The following USP16 variants were observed in gnomAD, a reference collection of about 807,000 sequenced individuals.
USP16 encodes ubiquitin specific peptidase 16.
USP16 carries 77 observed loss-of-function variants against 95.9 expected under a neutral mutation model. The observed-to-expected ratio is 0.80, with a 90% CI of 0.67 to 0.97. The LOEUF is 0.97. Among genes scored for constraint, USP16 ranks in the 50% least tolerant of loss-of-function variants. The pLI is 0.00. For missense variants in USP16, 943 were observed against 959.9 expected (o/e 0.98, Z 0.23); for synonymous variants, 303 against 318.2 (o/e 0.95, Z 0.51).
chr21:29,027,788 C>A, intron 1 of USP16, 85 bp from the exon 2 acceptor site: 1 of 862,774 alleles, frequency 1.2e-6, no homozygotes, highest in Non-Finnish European at 1.9e-6. Flanking sequence ...GCATAATATA[C>A]GTGGCTTAGT....
intron 3 of USP16, among the ~76,000 whole-genome samples, chr21:29,033,367 G>A (rs1568885021): frequency 6.6e-6 from 1 of 152,156 alleles, no homozygotes; most frequent in Non-Finnish European, 1.5e-5. Context: ...TAAATTAAGC[G>A]AATAGTGTTT....
chr21:29,048,048 C>CGTGTGTGTGTGTGTGT (rs67919060), intron 14 of USP16, among the ~76,000 whole-genome samples: 63 of 123,794 alleles, frequency 5.1e-4, no homozygotes, highest in African/African-American at 1.8e-3. Context: ...AGAGACGATA[C>CGTGTGTGTGTGTGTGT]GTGTGTGTGT....
Position 29,042,613 on chromosome 21 carries a change from T to A in USP16, c.1179+85T>A. The A allele has an allele frequency of 3.2e-6, 4 of 1,241,550 alleles. No homozygotes were observed. The South Asian group carries it at 5.4e-5, about 17-fold the overall frequency. 76.9% of individuals were successfully genotyped at this position (1,241,550 alleles called of 1,614,324 possible). ...GGGAAGCCTTGTTACTCTTTTTAAG[T>A]TTGTATATTACTAGCCCATGCAGAA... is the stretch of plus-strand genomic sequence containing the variant. On this transcript the variant is annotated intron_variant, in intron 12 of 17. Coordinates refer to ENST00000399976, the MANE Select transcript of USP16 (RefSeq NM_006447.3).
intron 12 of USP16, 145 bp from the exon 13 acceptor site, chr21:29,043,277 AT>A (rs2085271369): frequency 3.6e-6 from 2 of 557,432 alleles, no homozygotes; most frequent in East Asian, 7.0e-5. Context: ...AGATAAACGA[AT>A]TTTGTCTCAT....
chr21:29,041,937 A>C (rs1404935122), intron 10 of USP16, 76 bp from the exon 11 acceptor site: 9 of 1,191,552 alleles, frequency 7.6e-6, no homozygotes, highest in Middle Eastern at 2.7e-4. Flanking sequence ...TTAGATAGGT[A>C]AGTAGTTTTA....
At chr21:29,040,077 A>C (rs2146379529) in intron 9 of USP16, among the ~76,000 whole-genome samples, 1 of 152,280 alleles carries the variant, frequency 6.6e-6, no homozygotes, top group Non-Finnish European at 1.5e-5. Flanking sequence ...ACTAATATTT[A>C]TTTCGCACTT....
intron 13 of USP16, 22 bp downstream of exon 13, chr21:29,043,621 CAT>C: frequency 6.7e-7 from 1 of 1,496,876 alleles, no homozygotes; most frequent in African/African-American, 1.4e-5. Context: ...GGAGGAAAAT[CAT>C]ATGCTTGTAA....
At chr21:29,048,239 C>T (rs1168531311) in intron 14 of USP16, among the ~76,000 whole-genome samples, 1 of 151,998 alleles carries the variant, frequency 6.6e-6, no homozygotes, top group East Asian at 1.9e-4. Context: ...CCCGCCACCA[C>T]ACCTGGCTAA....
intron 3 of USP16, 68 bp from the exon 4 acceptor site, chr21:29,034,769 T>C (rs2085128926): frequency 1.4e-6 from 2 of 1,407,996 alleles, no homozygotes; most frequent in African/African-American, 2.8e-5. Context: ...TTGTTTATGA[T>C]AGATTATGCA....
In USP16 at chr21:29,039,462, T is replaced by C; in HGVS notation, c.864-19T>C. The C allele has an allele frequency of 1.9e-6, 3 of 1,610,204 alleles. No homozygotes were observed. Among genetic ancestry groups the C allele is most frequent in the Non-Finnish European group, 2.5e-6 (3 of 1,177,576 alleles). The stretch of plus-strand genomic sequence containing the variant: ...TAGTAGACTGAAGATTGCTTTTCTG[T>C]CTTTTTGTTTTTCTCTAGAGCAGTG... On this transcript the variant is annotated intron_variant, in intron 8 of 17. Transcript: ENST00000399976.
intron 3 of USP16, among the ~76,000 whole-genome samples, chr21:29,032,041 G>A (rs1366837159): frequency 6.6e-6 from 1 of 151,618 alleles, no homozygotes; most frequent in Admixed American, 6.6e-5. Context: ...CCACAGTCAC[G>A]ATACTAAATA....
At chr21:29,053,614 G>A (rs978483524) in intron 16 of USP16, 188 bp from the exon 17 acceptor site, 29 of 534,618 alleles carry the variant, frequency 5.4e-5, no homozygotes, top group South Asian at 2.3e-4. Flanking sequence ...GAACAATGGT[G>A]AATTTATAAT....
intron 1 of USP16, 85 bp downstream of exon 1, chr21:29,024,862 T>TTCTCTTCTTGAAGGCC (rs1377469187): frequency 2.8e-5 from 34 of 1,203,394 alleles, no homozygotes; most frequent in Non-Finnish European, 3.4e-5. Context: ...CCCAACTTCG[T>TTCTCTTCTTGAAGGCC]TCTCTTCTTG....
intron 13 of USP16, among the ~76,000 whole-genome samples, chr21:29,044,068 G>A (rs1386798499): frequency 6.6e-6 from 1 of 151,968 alleles, no homozygotes; most frequent in Non-Finnish European, 1.5e-5. Flanking sequence ...GAGCAGTCAG[G>A]ACTACAGGTG....
At chr21:29,033,522 GT>G (rs2085107847) in intron 3 of USP16, among the ~76,000 whole-genome samples, 1 of 152,208 alleles carries the variant, frequency 6.6e-6, no homozygotes, top group South Asian at 2.1e-4. Flanking sequence ...GTGAAGATAT[GT>G]TTCTCAGCAG....
At chr21:29,042,720 A>G (rs1290448914) in intron 12 of USP16, 192 bp downstream of exon 12, 1 of 508,932 alleles carries the variant, frequency 2.0e-6, no homozygotes, top group South Asian at 3.0e-5. Context: ...GGATGGAAAA[A>G]AAGATGATGT....
chr21:29,048,869 C>T lies in USP16; in HGVS notation c.2106+14C>T. 1.2e-6 allele frequency: 2 copies of T among 1,603,424 alleles called. No homozygotes were observed. Among genetic ancestry groups the T allele is most frequent in the Non-Finnish European group, 1.7e-6 (2 of 1,173,580 alleles). On this transcript the variant is annotated intron_variant, in intron 15 of 17. Transcript: ENST00000399976. The stretch of plus-strand genomic sequence containing the variant: ...AGATTTCAGCAGGTACTCCTTGTTA[C>T]CCAAAATTTGTTTTAAATATGTAAC...
chr21:29,033,005 CA>C (rs2085099880), intron 3 of USP16, among the ~76,000 whole-genome samples: 1 of 151,804 alleles, frequency 6.6e-6, no homozygotes, highest in Non-Finnish European at 1.5e-5. Context: ...TCATTGTGGT[CA>C]GTTAAAAAAA....
chr21:29,043,994 A>G (rs2085284060), intron 13 of USP16, among the ~76,000 whole-genome samples: 1 of 151,630 alleles, frequency 6.6e-6, no homozygotes, highest in Non-Finnish European at 1.5e-5. Context: ...GTGCAGTGGC[A>G]CGATCTCTGC....
Sources: allele counts gnomAD v4.1 joint callset (sites outside exome capture counted in the v4.1 genomes callset), GRCh38; gene constraint gnomAD v4.1.1; transcripts MANE v1.5; gene names NCBI Gene and HGNC (gene_info 2026-07-23, HGNC 2026-07-21).